The following CNTNAP5 variants were observed in gnomAD, a reference collection of about 807,000 sequenced individuals.
The protein encoded by CNTNAP5 is contactin-associated protein-like 5.
In CNTNAP5, 72 loss-of-function variants were observed where a neutral mutation model predicts 150.2. That is an observed-to-expected ratio of 0.48 (90% CI 0.40 to 0.58). The LOEUF (loss-of-function observed/expected upper bound fraction) is 0.58, where lower values mean the gene tolerates loss of function less well. Ranked by LOEUF, CNTNAP5 falls within the 20% of genes least tolerant of loss-of-function variation. The pLI, the probability that CNTNAP5 is intolerant of heterozygous loss-of-function variation, is 0.00. For missense variants in CNTNAP5, 1,636 were observed against 1,626.2 expected (o/e 1.01, Z -0.10); for synonymous variants, 672 against 619.8 (o/e 1.08, Z -1.25).
At chr2:124,224,864 T>A (rs2104744665) in intron 2 of CNTNAP5, among the ~76,000 whole-genome samples, 1 of 152,294 alleles carries the variant, frequency 6.6e-6, no homozygotes, top group South Asian at 2.1e-4. Context: ...CTGATTTATT[T>A]GCTTCCTTTT....
chr2:124,452,523 C>T (rs1693010782), intron 6 of CNTNAP5, among the ~76,000 whole-genome samples: 1 of 152,124 alleles, frequency 6.6e-6, no homozygotes, highest in Non-Finnish European at 1.5e-5. Context: ...ACCACCTGTT[C>T]CTCTCCATAC....
chr2:124,146,175 G>T (rs1280380480), intron 1 of CNTNAP5, among the ~76,000 whole-genome samples: 1 of 152,090 alleles, frequency 6.6e-6, no homozygotes, highest in African/African-American at 2.4e-5. Context: ...TCCTGACACT[G>T]GGCAGGTGTC....
chr2:124,889,012 T>G (rs567614605), intron 21 of CNTNAP5, among the ~76,000 whole-genome samples: 50 of 151,726 alleles, frequency 3.3e-4, no homozygotes, highest in African/African-American at 1.2e-3. Context: ...AAATTATTTG[T>G]CAAGTCTAAT....
chr2:124,807,123 T>A (rs1682097738), intron 19 of CNTNAP5, among the ~76,000 whole-genome samples: 1 of 152,126 alleles, frequency 6.6e-6, no homozygotes, highest in Non-Finnish European at 1.5e-5. Flanking sequence ...ACAAATTCAA[T>A]GAAAGGCCTG....
intron 3 of CNTNAP5, among the ~76,000 whole-genome samples, chr2:124,363,359 C>T (rs1690271291): frequency 6.6e-6 from 1 of 152,130 alleles, no homozygotes; most frequent in Non-Finnish European, 1.5e-5. Flanking sequence ...GACTCCCCTC[C>T]TGAACTCTAC....
chr2:124,729,904 C>T (rs938734611), intron 13 of CNTNAP5, among the ~76,000 whole-genome samples: 1 of 152,072 alleles, frequency 6.6e-6, no homozygotes. Context: ...GAGCAGCCAA[C>T]AATGCATTAA....
At chr2:124,754,209 T>A (rs555119795) in intron 14 of CNTNAP5, among the ~76,000 whole-genome samples, 88 of 152,310 alleles carry the variant, frequency 5.8e-4, no homozygotes, top group Middle Eastern at 3.4e-3. Context: ...TCCTGAATTC[T>A]GAGAGAAATA....
chr2:124,276,300 A>T (rs553086292), intron 3 of CNTNAP5, among the ~76,000 whole-genome samples: 16 of 152,328 alleles, frequency 1.1e-4, no homozygotes, highest in African/African-American at 3.8e-4. Context: ...TATCAGGCAC[A>T]CTTCAAATAT....
chr2:124,522,349 A>G (rs2104884514), intron 8 of CNTNAP5, among the ~76,000 whole-genome samples: 1 of 152,248 alleles, frequency 6.6e-6, no homozygotes, highest in South Asian at 2.1e-4. Context: ...CACTGCTGCT[A>G]CTTTTGGTGA....
In CNTNAP5 at chr2:124,446,157, T is replaced by C. The variant is rs536818037; in HGVS notation, c.734-596T>C. ...GTTCTGACCGTACCTGAGGCATGCA[T>C]GTCTCACCTCCCTGAGCCTCAGAGT... On this transcript the variant is annotated intron_variant, in intron 5 of 23. Coordinates refer to ENST00000682447, the MANE Select transcript of CNTNAP5 (RefSeq NM_001367498.1). Among the ~76,000 whole-genome samples the C allele has an allele frequency of 3.3e-5, 5 of 152,270 alleles. No individual in the cohort carries two copies. The East Asian group carries it at 7.7e-4, about 24-fold the overall frequency.
chr2:124,703,195 C>CTTCCTTCCTTCCTTCT (rs200894177), intron 13 of CNTNAP5, among the ~76,000 whole-genome samples: 19,372 of 144,578 alleles, frequency 0.13, 1,481 homozygotes, highest in Non-Finnish European at 0.18. Flanking sequence ...TCCTTCTTTC[C>CTTCCTTCCTTCCTTCT]TTCCTTCCTT....
chr2:124,658,567 A>G (rs1452441065), intron 13 of CNTNAP5, among the ~76,000 whole-genome samples: 2 of 151,974 alleles, frequency 1.3e-5, no homozygotes, highest in African/African-American at 2.4e-5. Context: ...GTAATAGGTG[A>G]TATTTTTTGA....
chr2:124,195,912 G>A (rs1685570462), intron 1 of CNTNAP5, among the ~76,000 whole-genome samples: 1 of 152,156 alleles, frequency 6.6e-6, no homozygotes, highest in African/African-American at 2.4e-5. Flanking sequence ...ATTCTGTGCA[G>A]AGTGCTGCCA....
intron 6 of CNTNAP5, among the ~76,000 whole-genome samples, chr2:124,465,868 T>G (rs757544367): frequency 2.0e-5 from 3 of 152,088 alleles, no homozygotes; most frequent in Non-Finnish European, 4.4e-5. Context: ...AGAACAAAAA[T>G]AGATCAAGGT....
At chr2:124,349,874 C>CTTTTT (rs70996061) in intron 3 of CNTNAP5, among the ~76,000 whole-genome samples, 2,873 of 81,650 alleles carry the variant, frequency 0.035, 614 homozygotes, top group African/African-American at 0.053. Context: ...CTGGCTATTT[C>CTTTTT]TTTTTTTTTT....
chr2:124,429,979 A>G (rs1692333253), intron 4 of CNTNAP5, among the ~76,000 whole-genome samples: 1 of 152,198 alleles, frequency 6.6e-6, no homozygotes, highest in Non-Finnish European at 1.5e-5. Context: ...TGTGGCAAAC[A>G]GCGTACATCT....
chr2:124,257,267 A>G (rs568046772), intron 3 of CNTNAP5, among the ~76,000 whole-genome samples: 2 of 152,300 alleles, frequency 1.3e-5, no homozygotes, highest in Admixed American at 6.5e-5. Context: ...TTAAATATTC[A>G]TTATTTTGCA....
chr2:124,059,007 AT>A (rs1006461509), intron 1 of CNTNAP5, among the ~76,000 whole-genome samples: 6 of 151,958 alleles, frequency 3.9e-5, no homozygotes, highest in African/African-American at 1.2e-4. Flanking sequence ...CTCACAGGGT[AT>A]TTTTTTTAAG....
In CNTNAP5 at chr2:124,914,230, G is replaced by A. The variant is rs367727915; in HGVS notation, c.3866G>A (p.Arg1289Lys). 2.5e-5 allele frequency: 41 copies of A among 1,612,428 alleles called. No homozygotes were observed. Among genetic ancestry groups the A allele is most frequent in the Non-Finnish European group, 3.4e-5 (40 of 1,179,032 alleles). ...CCAGAAAATTTGGACAGTTCCTTCA[G>A]AAATGAAATTGACTTGCAAAACACA... ...EYPENLDSSF[R>K]NEIDLQNTVS... is the part of the protein sequence containing the mutation. Residue 1289 changes from arginine (R) to lysine (K), a missense_variant, in exon 24 of 24, where the codon AGA becomes AAA. By Grantham distance (26) the Arg-to-Lys change is conservative. Coordinates refer to ENST00000682447, the MANE Select transcript of CNTNAP5 (RefSeq NM_001367498.1).
Sources: gnomAD v4.1 joint callset for allele counts (sites outside exome capture counted in the v4.1 genomes callset) on GRCh38, gnomAD v4.1.1 for gene constraint, MANE v1.5 for transcripts, NCBI Gene and HGNC (gene_info 2026-07-23, HGNC 2026-07-21) for gene names.